The following TMC1 variants were observed in gnomAD, a reference collection of about 807,000 sequenced individuals.
TMC1 encodes transmembrane channel-like protein 1.
A neutral mutation model predicts 105.8 loss-of-function variants in TMC1; 84 were observed. The ratio of observed to expected loss-of-function variants is 0.79; its 90% confidence interval spans 0.67 to 0.95. The LOEUF is 0.95. TMC1 is among the 40% of genes least tolerant of loss of function. The probability of loss-of-function intolerance (pLI) is 0.00; values close to 1 mark genes in which losing one functional copy is unlikely to be tolerated. For synonymous variants in TMC1, 315 were observed against 311.5 expected, an observed-to-expected ratio of 1.01 and a Z score of -0.12; for missense variants, 817 against 914.1, an observed-to-expected ratio of 0.89 and a Z score of 1.37.
chr9:72,598,874 T>C (rs1341866413), intron 2 of TMC1, among the ~76,000 whole-genome samples: 1 of 152,236 alleles, frequency 6.6e-6, no homozygotes, highest in Non-Finnish European at 1.5e-5. Flanking sequence ...TTTCCTCATC[T>C]ACACGTGGTT....
chr9:72,654,545 T>TCA (rs1185042337), intron 5 of TMC1, among the ~76,000 whole-genome samples: 1 of 152,210 alleles, frequency 6.6e-6, no homozygotes, highest in Non-Finnish European at 1.5e-5. Context: ...CTTTAACTTA[T>TCA]CACAGTCTGT....
chr9:72,529,914 G>A (rs1176908627), intron 1 of TMC1, among the ~76,000 whole-genome samples: 2 of 152,094 alleles, frequency 1.3e-5, no homozygotes, highest in African/African-American at 4.8e-5. Flanking sequence ...GGTTCTGCCC[G>A]AGTTCTGAGA....
chr9:72,815,215 T>C (rs1828765159), intron 18 of TMC1, among the ~76,000 whole-genome samples: 1 of 152,150 alleles, frequency 6.6e-6, no homozygotes, highest in South Asian at 2.1e-4. Flanking sequence ...TTAGGATGCC[T>C]AATGCATCAC....
chr9:72,732,275 A>C (rs1827223866), intron 8 of TMC1, among the ~76,000 whole-genome samples: 1 of 152,172 alleles, frequency 6.6e-6, no homozygotes, highest in Non-Finnish European at 1.5e-5. Flanking sequence ...AAAAATAATA[A>C]ATATCAGCTG....
intron 1 of TMC1, among the ~76,000 whole-genome samples, chr9:72,558,381 G>A (rs920474348): frequency 6.6e-6 from 1 of 152,266 alleles, no homozygotes; most frequent in African/African-American, 2.4e-5. Flanking sequence ...ATAGAGTAAT[G>A]AGTTTGTTAA....
intron 8 of TMC1, among the ~76,000 whole-genome samples, chr9:72,711,161 C>T (rs1826829166): frequency 6.6e-6 from 1 of 152,162 alleles, no homozygotes; most frequent in Admixed American, 6.5e-5. Flanking sequence ...TTTATCTAGT[C>T]TATCATTGAT....
rs924227618 is a variant in TMC1, at chr9:72,532,836, T to G, written c.-428+10923T>G. Among the ~76,000 whole-genome samples the G allele has an allele frequency of 6.6e-5, 10 of 152,308 alleles. 1 individual carries two copies. The South Asian group carries it at 2.1e-3, about 32-fold the overall frequency. Reference sequence around the variant, plus strand: ...TCTTGTTAGAGCTTGCTGATGAGACTAAATTTTCCAAGTGTTTGAGGAATG... The same window carrying G: ...TCTTGTTAGAGCTTGCTGATGAGACGAAATTTTCCAAGTGTTTGAGGAATG... On this transcript the variant is annotated intron_variant, in intron 1 of 23. Transcript: ENST00000297784.
At chr9:72,569,157 T>A (rs1210122407) in intron 1 of TMC1, among the ~76,000 whole-genome samples, 1 of 152,214 alleles carries the variant, frequency 6.6e-6, no homozygotes, top group Non-Finnish European at 1.5e-5. Context: ...CCTATGCACA[T>A]CCTACTGTAT....
At chr9:72,706,735 G>T (rs12379984) in intron 8 of TMC1, among the ~76,000 whole-genome samples, 25,920 of 151,642 alleles carry the variant, frequency 0.17, 2,777 homozygotes, top group Middle Eastern at 0.24. Flanking sequence ...TATCCAGGTT[G>T]CTGTGAATGC....
At chr9:72,715,637 G>A (rs887069353) in intron 8 of TMC1, among the ~76,000 whole-genome samples, 1 of 151,870 alleles carries the variant, frequency 6.6e-6, no homozygotes, top group Non-Finnish European at 1.5e-5. Flanking sequence ...CTCTAAACTG[G>A]TTATTTCAGT....
intron 2 of TMC1, among the ~76,000 whole-genome samples, chr9:72,598,508 A>G (rs1824756706): frequency 6.6e-6 from 1 of 151,378 alleles, no homozygotes. Context: ...TAATCGTATC[A>G]CTTATTACTG....
chr9:72,737,277 T>C (rs897164099), intron 8 of TMC1, among the ~76,000 whole-genome samples: 5 of 152,226 alleles, frequency 3.3e-5, no homozygotes, highest in African/African-American at 7.2e-5. Context: ...TTCCGTAATA[T>C]ATCAATCATG....
chr9:72,798,567 A>T (rs1031603895), intron 17 of TMC1, among the ~76,000 whole-genome samples: 12 of 152,176 alleles, frequency 7.9e-5, no homozygotes, highest in Middle Eastern at 3.4e-3. Context: ...TGGATCTATT[A>T]TCCTTAGCAA....
At chr9:72,547,678 G>A (rs1314580595) in intron 1 of TMC1, among the ~76,000 whole-genome samples, 1 of 152,132 alleles carries the variant, frequency 6.6e-6, no homozygotes, top group Non-Finnish European at 1.5e-5. Context: ...TTTGATCAGG[G>A]TATAAACCAC....
chr9:72,791,826 A>C, intron 15 of TMC1, 60 bp from the exon 16 acceptor site: 1 of 1,496,576 alleles, frequency 6.7e-7, no homozygotes. Context: ...AAATTCTGGC[A>C]AAAAGCAATA....
chr9:72,556,263 C>A (rs1192048295), intron 1 of TMC1, among the ~76,000 whole-genome samples: 6 of 151,378 alleles, frequency 4.0e-5, no homozygotes, highest in Non-Finnish European at 8.8e-5. Flanking sequence ...ATTACAGGAA[C>A]CTGCCATCAC....
chr9:72,656,792 C>A (rs896134780), intron 5 of TMC1, among the ~76,000 whole-genome samples: 2 of 151,954 alleles, frequency 1.3e-5, no homozygotes, highest in South Asian at 4.1e-4. Flanking sequence ...TTTTTTCCCC[C>A]CTCCGGGATG....
rs1490811878 is a variant in TMC1, at chr9:72,571,265, G to A, written c.-427-6637G>A. On this transcript the variant is annotated intron_variant, in intron 1 of 23. Coordinates refer to ENST00000297784, the MANE Select transcript of TMC1 (RefSeq NM_138691.3). Reference sequence around the variant, plus strand: ...TTGAACCTGGGAGGCGGAGGTTGCAGTGAGCTGAGATAGCACCATTGCACT... The same window carrying A: ...TTGAACCTGGGAGGCGGAGGTTGCAATGAGCTGAGATAGCACCATTGCACT... 2.0e-5 allele frequency among the ~76,000 whole-genome samples: 3 copies of A among 151,350 alleles called. No individual in the cohort carries two copies. The East Asian group carries it at 6.2e-4, about 31-fold the overall frequency.
At chr9:72,549,326 G>A (rs191823069) in intron 1 of TMC1, among the ~76,000 whole-genome samples, 1 of 152,234 alleles carries the variant, frequency 6.6e-6, no homozygotes, top group African/African-American at 2.4e-5. Context: ...TGAACTCCAG[G>A]GTTCAAGTGG....
Sources: allele counts gnomAD v4.1 joint callset (sites outside exome capture counted in the v4.1 genomes callset), GRCh38; gene constraint gnomAD v4.1.1; transcripts MANE v1.5; gene names NCBI Gene and HGNC (gene_info 2026-07-23, HGNC 2026-07-21).